Variants in MEI4 observed in about 807,000 individuals in gnomAD.
MEI4 encodes the protein meiotic double-stranded break formation protein 4.
A neutral mutation model predicts 31.4 loss-of-function variants in MEI4; 27 were observed. That is an observed-to-expected ratio of 0.86 (90% CI 0.63 to 1.19). The LOEUF is 1.19. Ranked by LOEUF, MEI4 falls within the 50% of genes most tolerant of loss-of-function variation. The pLI is 0.00. For missense variants in MEI4, 329 were observed against 398.9 expected, an observed-to-expected ratio of 0.82 and a Z score of 1.49; for synonymous variants, 122 against 145.4, an observed-to-expected ratio of 0.84 and a Z score of 1.16.
At chr6:77,695,233 A>G (rs1168397851) in intron 2 of MEI4, among the ~76,000 whole-genome samples, 1 of 151,926 alleles carries the variant, frequency 6.6e-6, no homozygotes, top group Non-Finnish European at 1.5e-5. Flanking sequence ...CTCTGATGGT[A>G]GTTTCTTTTG....
intron 3 of MEI4, among the ~76,000 whole-genome samples, chr6:77,815,662 A>G (rs1167923186): frequency 6.6e-6 from 1 of 152,158 alleles, no homozygotes; most frequent in Non-Finnish European, 1.5e-5. Context: ...GATACTAGGT[A>G]AAGTCTGAGA....
intron 4 of MEI4, among the ~76,000 whole-genome samples, chr6:77,854,575 C>A (rs1269713189): frequency 6.6e-6 from 1 of 151,792 alleles, no homozygotes; most frequent in African/African-American, 2.4e-5. Context: ...AAAAATGTGT[C>A]CAATGTGTAA....
At chr6:77,742,586 A>AT (rs1767444752) in intron 2 of MEI4, among the ~76,000 whole-genome samples, 1 of 152,036 alleles carries the variant, frequency 6.6e-6, no homozygotes, top group Non-Finnish European at 1.5e-5. Context: ...ATTCACTCTG[A>AT]CGTAGTTTCT....
chr6:77,733,312 A>T (rs1284254037), intron 2 of MEI4, among the ~76,000 whole-genome samples: 1 of 151,964 alleles, frequency 6.6e-6, no homozygotes. Context: ...AGATCCTGTT[A>T]TTGGTCTATT....
At chr6:77,686,084 A>G (rs908174768) in intron 1 of MEI4, among the ~76,000 whole-genome samples, 3 of 152,058 alleles carry the variant, frequency 2.0e-5, no homozygotes, top group African/African-American at 7.2e-5. Context: ...GCTTTTTCTT[A>G]TCATGTGACA....
chr6:77,703,779 A>G (rs1341886654), intron 2 of MEI4, among the ~76,000 whole-genome samples: 2 of 152,190 alleles, frequency 1.3e-5, no homozygotes, highest in African/African-American at 4.8e-5. Flanking sequence ...TGTAATATCA[A>G]TCCCATTATC....
chr6:77,680,008 G>C (rs1023880028), intron 1 of MEI4, among the ~76,000 whole-genome samples: 10 of 151,074 alleles, frequency 6.6e-5, no homozygotes, highest in Non-Finnish European at 1.0e-4. Flanking sequence ...CAAAGTGCTG[G>C]GATTGCAGGC....
At position 77,735,396 on chromosome 6, in the gene MEI4, A is replaced by G. The variant is rs1368101388; in HGVS notation, c.233-25734A>G. Among the ~76,000 whole-genome samples the G allele has an allele frequency of 5.3e-5, 8 of 151,508 alleles. 1 individual carries two copies. The East Asian group carries it at 9.7e-4, about 18-fold the overall frequency. ...CATTTCATTCATTTCATCTTCCATC[A>G]CTGATACCCTTTCTTCCAGTTGATC... On this transcript the variant is annotated intron_variant, in intron 2 of 4. Transcript: ENST00000684080.
chr6:77,878,232 C>A lies in MEI4; in HGVS notation c.901-44857C>A, dbSNP rs116476158. 9.5e-3 allele frequency among the ~76,000 whole-genome samples: 1,444 copies of A among 152,020 alleles called. 18 individuals carry two copies. Among genetic ancestry groups the A allele is most frequent in the African/African-American group, 0.032 (1,342 of 41,496 alleles). On this transcript the variant is annotated intron_variant, in intron 4 of 4. Transcript: ENST00000684080. The stretch of plus-strand genomic sequence containing the variant: ...AATAAGTAAATACATAAAAAAACCT[C>A]TTGATATTAAGGCCTCACTACTTTT...
intron 4 of MEI4, among the ~76,000 whole-genome samples, chr6:77,874,782 C>T (rs1333906358): frequency 2.6e-5 from 4 of 152,130 alleles, no homozygotes; most frequent in Non-Finnish European, 5.9e-5. Context: ...TATGTCCCAT[C>T]AGTACCTAAT....
At position 77,698,779 on chromosome 6, in the gene MEI4, A is replaced by G. The variant is rs1283530705; in HGVS notation, c.232+7876A>G. Among the ~76,000 whole-genome samples the G allele has an allele frequency of 6.6e-5, 10 of 152,086 alleles. No homozygotes were observed. The East Asian group carries it at 1.4e-3, about 21-fold the overall frequency. On this transcript the variant is annotated intron_variant, in intron 2 of 4. Coordinates refer to ENST00000684080, the MANE Select transcript of MEI4 (RefSeq NM_001322247.2). ...GCTCTTCTCAAGGAGTATCTTTGTG[A>G]CATTTTCTGTATTTCCTGAATCTGA...
At position 77,923,819 on chromosome 6, in the gene MEI4, T is replaced by G. The variant is rs1243158920; in HGVS notation, c.*473T>G. On this transcript the variant is annotated 3_prime_UTR_variant, in exon 5 of 5. Transcript: ENST00000684080. Reference sequence around the variant, plus strand: ...ACTTTTTCTTACATAGTTGAACTTATATCATTGCTTTCACCTTAGACGAGA... The same window carrying G: ...ACTTTTTCTTACATAGTTGAACTTAGATCATTGCTTTCACCTTAGACGAGA... The G allele has an allele frequency of 6.6e-6, 1 of 151,852 alleles. No homozygotes were observed. The highest frequency in any genetic ancestry group is 1.5e-5 in the Non-Finnish European group (1 of 67,876). 9.4% of individuals were successfully genotyped at this position (151,852 alleles called of 1,614,324 possible).
intron 3 of MEI4, among the ~76,000 whole-genome samples, chr6:77,780,416 G>A (rs983319378): frequency 2.6e-5 from 4 of 152,158 alleles, no homozygotes; most frequent in Non-Finnish European, 2.9e-5. Context: ...ATAAATGTCC[G>A]CAGGGCCAGC....
chr6:77,804,543 G>T (rs1472373186), intron 3 of MEI4, among the ~76,000 whole-genome samples: 2 of 152,100 alleles, frequency 1.3e-5, no homozygotes, highest in Non-Finnish European at 2.9e-5. Flanking sequence ...CTTCTATTTC[G>T]CTCACGCTGG....
intron 2 of MEI4, among the ~76,000 whole-genome samples, chr6:77,696,878 G>A (rs994466853): frequency 1.3e-5 from 2 of 152,214 alleles, no homozygotes; most frequent in Non-Finnish European, 2.9e-5. Flanking sequence ...GAATTCGGCT[G>A]TGAATCCATC....
intron 4 of MEI4, among the ~76,000 whole-genome samples, chr6:77,864,147 C>G (rs560335725): frequency 6.6e-6 from 1 of 150,724 alleles, no homozygotes; most frequent in African/African-American, 2.4e-5. Context: ...TAAAGACCAT[C>G]GAGGCTAGGA....
chr6:77,738,966 G>A (rs1767325500), intron 2 of MEI4, among the ~76,000 whole-genome samples: 1 of 151,972 alleles, frequency 6.6e-6, no homozygotes, highest in Non-Finnish European at 1.5e-5. Flanking sequence ...TAAATTCCTT[G>A]TAGACTCTGG....
intron 3 of MEI4, among the ~76,000 whole-genome samples, chr6:77,802,117 A>T (rs981940315): frequency 6.6e-6 from 1 of 152,116 alleles, no homozygotes; most frequent in Non-Finnish European, 1.5e-5. Context: ...GTCTCTTTGT[A>T]GGTCTCTAAG....
chr6:77,790,397 A>G (rs370785327), intron 3 of MEI4, among the ~76,000 whole-genome samples: 1 of 152,232 alleles, frequency 6.6e-6, no homozygotes, highest in South Asian at 2.1e-4. Flanking sequence ...TTAAAGTTTA[A>G]TTAAAAGAAA....
Sources: gnomAD v4.1 joint callset for allele counts (sites outside exome capture counted in the v4.1 genomes callset) on GRCh38, gnomAD v4.1.1 for gene constraint, MANE v1.5 for transcripts, NCBI Gene and HGNC (gene_info 2026-07-23, HGNC 2026-07-21) for gene names.